The following RNLS variants were observed in gnomAD, a reference collection of about 807,000 sequenced individuals.
RNLS encodes the protein renalase.
In RNLS, 39 loss-of-function variants were observed where a neutral mutation model predicts 39.8. The observed-to-expected ratio is 0.98, with a 90% confidence interval of 0.76 to 1.28. RNLS has a LOEUF of 1.28. RNLS is among the 50% of genes most tolerant of loss of function. RNLS has a pLI of 0.00. For synonymous variants in RNLS, 147 were observed against 150.7 expected, an observed-to-expected ratio of 0.98 and a Z score of 0.18; for missense variants, 410 against 413.3, an observed-to-expected ratio of 0.99 and a Z score of 0.07.
intron 4 of RNLS, among the ~76,000 whole-genome samples, 181 bp from the exon 5 acceptor site, chr10:88,362,906 TA>T (rs1355050395): frequency 6.6e-6 from 1 of 152,220 alleles, no homozygotes; most frequent in Non-Finnish European, 1.5e-5. Flanking sequence ...GAATAATTAT[TA>T]ACTTTGGCAA....
chr10:88,193,278 C>T, the RNLS span, among the ~76,000 whole-genome samples: 7 of 152,036 alleles, frequency 4.6e-5, no homozygotes, highest in African/African-American at 7.2e-5. Context: ...TTGACTCGCC[C>T]GAGAACTGTT....
chr10:88,544,667 A>G (rs1848207667), intron 4 of RNLS, among the ~76,000 whole-genome samples: 1 of 152,214 alleles, frequency 6.6e-6, no homozygotes. Context: ...AACTCTGAGA[A>G]GAACGGACAT....
chr10:88,174,427 A>G, the RNLS span, among the ~76,000 whole-genome samples: 2 of 152,148 alleles, frequency 1.3e-5, no homozygotes, highest in Admixed American at 6.5e-5. Context: ...TGTGTGAGGT[A>G]TATTCCTTCT....
chr10:88,477,067 G>C (rs1375357515), intron 4 of RNLS, among the ~76,000 whole-genome samples: 7 of 147,280 alleles, frequency 4.8e-5, no homozygotes, highest in Non-Finnish European at 7.5e-5. Flanking sequence ...TCAAATTCTT[G>C]GATTAACCCA....
intron 5 of RNLS, among the ~76,000 whole-genome samples, chr10:88,328,536 G>A (rs111229202): frequency 6.6e-6 from 1 of 152,046 alleles, no homozygotes; most frequent in Non-Finnish European, 1.5e-5. Context: ...ATTCAAAAAA[G>A]TCTTCTTTTT....
At chr10:88,409,328 C>T (rs1853509583) in intron 4 of RNLS, among the ~76,000 whole-genome samples, 1 of 152,146 alleles carries the variant, frequency 6.6e-6, no homozygotes, top group South Asian at 2.1e-4. Flanking sequence ...AAGCGTTAAA[C>T]ATGCATTTCT....
intron 4 of RNLS, among the ~76,000 whole-genome samples, chr10:88,423,000 C>T (rs1479967011): frequency 6.6e-6 from 1 of 152,180 alleles, no homozygotes; most frequent in Non-Finnish European, 1.5e-5. Flanking sequence ...CCACCCACCT[C>T]ACCCTCTCAA....
At chr10:88,206,816 G>A in the RNLS span, among the ~76,000 whole-genome samples, 2 of 151,902 alleles carry the variant, frequency 1.3e-5, no homozygotes, top group Non-Finnish European at 1.5e-5. Flanking sequence ...TGAAAAAGAA[G>A]GCCTTTTTTT....
chr10:88,242,616 G>C, the RNLS span, among the ~76,000 whole-genome samples: 1 of 152,068 alleles, frequency 6.6e-6, no homozygotes, highest in South Asian at 2.1e-4. Flanking sequence ...AATTACACAG[G>C]ACAAGATGCT....
intron 6 of RNLS, among the ~76,000 whole-genome samples, chr10:88,309,860 A>G (rs1225688318): frequency 1.3e-5 from 2 of 152,316 alleles, no homozygotes; most frequent in South Asian, 2.1e-4. Context: ...TGTGAATGAT[A>G]CATTTTGGAA....
intron 4 of RNLS, among the ~76,000 whole-genome samples, chr10:88,475,099 TGAA>T (rs1268084914): frequency 2.0e-5 from 3 of 152,072 alleles, no homozygotes; most frequent in Admixed American, 2.0e-4. Context: ...TGAGATGTAA[TGAA>T]GAAGTCAGGA....
chr10:88,413,025 T>C (rs1183033526), intron 4 of RNLS, among the ~76,000 whole-genome samples: 1 of 152,160 alleles, frequency 6.6e-6, no homozygotes, highest in East Asian at 1.9e-4. Flanking sequence ...TTAAGGAATC[T>C]CTTATGCTCC....
the RNLS span, among the ~76,000 whole-genome samples, chr10:88,255,910 C>T: frequency 1.3e-5 from 2 of 152,086 alleles, no homozygotes; most frequent in Non-Finnish European, 2.9e-5. Context: ...AGGATTCTCA[C>T]ATGCCCCTGG....
intron 4 of RNLS, among the ~76,000 whole-genome samples, chr10:88,451,829 T>C (rs1263756919): frequency 6.6e-6 from 1 of 152,222 alleles, no homozygotes; most frequent in African/African-American, 2.4e-5. Flanking sequence ...CCACTACCTT[T>C]ATTTTTCCTT....
chr10:88,282,245 T>G (rs1359386834), downstream of RNLS, among the ~76,000 whole-genome samples: 1 of 152,136 alleles, frequency 6.6e-6, no homozygotes, highest in Non-Finnish European at 1.5e-5. Flanking sequence ...TGATGCGGAC[T>G]GTACCCCCAA....
chr10:88,184,806 C>A, the RNLS span, among the ~76,000 whole-genome samples: 11 of 152,130 alleles, frequency 7.2e-5, no homozygotes, highest in Admixed American at 6.6e-5. Flanking sequence ...TTGCTGCAAC[C>A]ATAAATCTTC....
At chr10:88,194,078 C>A in the RNLS span, among the ~76,000 whole-genome samples, 4 of 152,180 alleles carry the variant, frequency 2.6e-5, no homozygotes, top group Admixed American at 6.5e-5. Context: ...ACCATCTGGG[C>A]TCAATATATC....
chr10:88,427,232 A>G (rs746450043), intron 4 of RNLS, among the ~76,000 whole-genome samples: 2 of 152,040 alleles, frequency 1.3e-5, no homozygotes, highest in African/African-American at 2.4e-5. Flanking sequence ...TATGGTTATC[A>G]GCCTTGTGGA....
At chr10:88,321,887 C>T (rs1385603398) in intron 5 of RNLS, among the ~76,000 whole-genome samples, 5 of 152,188 alleles carry the variant, frequency 3.3e-5, no homozygotes, top group African/African-American at 1.2e-4. Context: ...TACAAAGAAG[C>T]TGGTACCAAT....
Sources: gnomAD v4.1 joint callset for allele counts (sites outside exome capture counted in the v4.1 genomes callset) on GRCh38, gnomAD v4.1.1 for gene constraint, MANE v1.5 for transcripts, NCBI Gene and HGNC (gene_info 2026-07-23, HGNC 2026-07-21) for gene names.